The following PVALB variants were observed in gnomAD, a reference collection of about 807,000 sequenced individuals.
PVALB encodes the protein parvalbumin.
In PVALB, 11 loss-of-function variants were observed where a neutral mutation model predicts 10.9. The ratio of observed to expected loss-of-function variants is 1.01; its 90% confidence interval spans 0.63 to 1.67. PVALB has a LOEUF of 1.67. Among genes scored for constraint, PVALB ranks in the 40% most tolerant of loss-of-function variants. The pLI is 0.00. For synonymous variants in PVALB, 57 were observed against 50.7 expected (o/e 1.12, Z -0.53); for missense variants, 131 against 136.2 (o/e 0.96, Z 0.19).
Position 36,800,779 on chromosome 22 carries a change from G to A in PVALB, c.*111C>T, listed in dbSNP as rs1158930814. On this transcript the variant is annotated 3_prime_UTR_variant, in exon 4 of 4. Coordinates refer to ENST00000417718, the MANE Select transcript of PVALB (RefSeq NM_001315532.2). ...CATTAGAGGGCCACAGGGGATGGGG[G>A]AGTAAAAAATAACATAAACGAACTG... 5.1e-6 allele frequency: 6 copies of A among 1,185,934 alleles called. No individual in the cohort carries two copies. The Admixed American group carries it at 1.0e-4, about 20-fold the overall frequency. 73.5% of individuals were successfully genotyped at this position (1,185,934 alleles called of 1,614,324 possible). A position where few individuals can be genotyped will look rare whatever the true frequency, so the allele number is the denominator to read the frequency against.
At chr22:36,801,637 T>C (rs1410322504) in intron 3 of PVALB, among the ~76,000 whole-genome samples, 2 of 152,124 alleles carry the variant, frequency 1.3e-5, no homozygotes, top group Non-Finnish European at 2.9e-5. Context: ...CTGTATCTAC[T>C]GAAAATGCAA....
chr22:36,800,859 G>A lies in PVALB; in HGVS notation c.*31C>T. On this transcript the variant is annotated 3_prime_UTR_variant, in exon 4 of 4. Transcript: ENST00000417718. Reference sequence around the variant, plus strand: ...GCCGAGATTGGGTGTTCAGGGCAGAGAGGTGGAAGACCAGGGGCAGTCAGT... The same window carrying A: ...GCCGAGATTGGGTGTTCAGGGCAGAAAGGTGGAAGACCAGGGGCAGTCAGT... 1 of 1,590,806 alleles carries A rather than the reference G, an allele frequency of 6.3e-7. No individual in the cohort carries two copies. Among genetic ancestry groups the A allele is most frequent in the Non-Finnish European group, 8.6e-7 (1 of 1,158,718 alleles).
chr22:36,807,106 G>A (rs971200507), intron 3 of PVALB, among the ~76,000 whole-genome samples: 3 of 152,186 alleles, frequency 2.0e-5, no homozygotes, highest in East Asian at 3.8e-4. Context: ...AAGTCCACAC[G>A]GGAATAAAAA....
At chr22:36,807,510 A>G (rs936885429) in intron 3 of PVALB, among the ~76,000 whole-genome samples, 3 of 152,158 alleles carry the variant, frequency 2.0e-5, no homozygotes, top group Non-Finnish European at 4.4e-5. Flanking sequence ...TTTAGACTCA[A>G]TTTCCTTTCT....
intron 3 of PVALB, among the ~76,000 whole-genome samples, chr22:36,803,275 C>T (rs1938896578): frequency 6.6e-6 from 1 of 152,202 alleles, no homozygotes; most frequent in African/African-American, 2.4e-5. Context: ...TAGAGTGACA[C>T]ATGTCCCAGC....
At chr22:36,802,601 CACAA>C (rs1569089561) in intron 3 of PVALB, among the ~76,000 whole-genome samples, 2 of 54,908 alleles carry the variant, frequency 3.6e-5, no homozygotes. Context: ...CTCCATCTCA[CACAA>C]AAAAAAAAAA....
intron 3 of PVALB, among the ~76,000 whole-genome samples, chr22:36,806,321 G>C (rs544116186): frequency 6.6e-6 from 1 of 152,272 alleles, no homozygotes; most frequent in Admixed American, 6.5e-5. Flanking sequence ...AGGGATGGGG[G>C]TGGGAAGGAG....
In PVALB at chr22:36,800,744, A is replaced by T; in HGVS notation, c.*146T>A. ...TATTGCTTCTCCAGCATTTTCCAGA[A>T]GAATGGTGTCATTAGAGGGCCACAG... On this transcript the variant is annotated 3_prime_UTR_variant, in exon 4 of 4. Transcript: ENST00000417718. 1 of 882,546 alleles carries T rather than the reference A, an allele frequency of 1.1e-6. No individual in the cohort carries two copies. The highest frequency in any genetic ancestry group is 1.9e-6 in the Non-Finnish European group (1 of 533,868). The allele number at this position is 882,546 out of a possible 1,614,324, so 54.7% of individuals were successfully genotyped here. A position where few individuals can be genotyped will look rare whatever the true frequency, so the allele number is the denominator to read the frequency against.
chr22:36,816,579 C>A, intron 1 of PVALB: 1 of 283,058 alleles, frequency 3.5e-6, no homozygotes, highest in African/African-American at 2.2e-5. Flanking sequence ...CTGCAGTCCC[C>A]TCTAAGTGCC....
chr22:36,801,194 C>CAAT (rs747009213), intron 3 of PVALB, among the ~76,000 whole-genome samples: 11 of 152,034 alleles, frequency 7.2e-5, no homozygotes, highest in East Asian at 1.9e-4. Context: ...ATAACAATAG[C>CAAT]AATAATAATA....
upstream of PVALB, chr22:36,817,120 G>A (rs2145956225): frequency 1.0e-6 from 1 of 1,003,058 alleles, no homozygotes; most frequent in Non-Finnish European, 1.4e-6. Context: ...CACGCCCGCC[G>A]GGCCTGGCAT....
At chr22:36,815,458 C>A (rs1391930000) in intron 1 of PVALB, 2 of 579,532 alleles carry the variant, frequency 3.5e-6, no homozygotes, top group Admixed American at 3.1e-5. Flanking sequence ...AAACCCAGAC[C>A]TCCCTGGCTC....
chr22:36,804,146 T>C (rs1332109088), intron 3 of PVALB, among the ~76,000 whole-genome samples: 1 of 152,206 alleles, frequency 6.6e-6, no homozygotes, highest in Non-Finnish European at 1.5e-5. Flanking sequence ...TTTTCCAGCC[T>C]GCCCTGACCC....
chr22:36,806,572 G>A (rs540523681), intron 3 of PVALB, among the ~76,000 whole-genome samples: 2 of 152,094 alleles, frequency 1.3e-5, no homozygotes, highest in African/African-American at 2.4e-5. Flanking sequence ...TGAAGGAGCC[G>A]GCCTCCTGGT....
intron 3 of PVALB, among the ~76,000 whole-genome samples, chr22:36,810,292 C>T (rs1313495990): frequency 6.6e-6 from 1 of 152,186 alleles, no homozygotes; most frequent in Non-Finnish European, 1.5e-5. Flanking sequence ...GGGGCTCGGG[C>T]CTTCTGGCCT....
intron 1 of PVALB, chr22:36,815,541 G>A: frequency 2.8e-6 from 1 of 357,820 alleles, no homozygotes; most frequent in Non-Finnish European, 5.2e-6. Flanking sequence ...AGAACCAAAG[G>A]CTTTTGTTCT....
intron 3 of PVALB, among the ~76,000 whole-genome samples, chr22:36,812,188 G>A (rs1004756218): frequency 3.9e-5 from 6 of 152,194 alleles, no homozygotes; most frequent in Admixed American, 1.3e-4. Context: ...GCAAGGGAAC[G>A]TAGGTGTGCA....
At chr22:36,809,344 GA>G (rs1227203423) in intron 3 of PVALB, among the ~76,000 whole-genome samples, 1 of 152,154 alleles carries the variant, frequency 6.6e-6, no homozygotes, top group East Asian at 1.9e-4. Flanking sequence ...GATTAGAACT[GA>G]AAAAAACAAA....
intron 3 of PVALB, among the ~76,000 whole-genome samples, chr22:36,811,045 G>A (rs755290536): frequency 2.4e-4 from 37 of 152,218 alleles, no homozygotes; most frequent in Non-Finnish European, 4.8e-4. Context: ...GGAGGCTGAG[G>A]TGGGCGGATG....
Sources: allele counts gnomAD v4.1 joint callset (sites outside exome capture counted in the v4.1 genomes callset), GRCh38; gene constraint gnomAD v4.1.1; transcripts MANE v1.5; gene names NCBI Gene and HGNC (gene_info 2026-07-23, HGNC 2026-07-21).